Variants in DGKI observed in about 807,000 individuals in gnomAD.
DGKI encodes the protein diacylglycerol kinase iota.
In DGKI, 55 loss-of-function variants were observed where a neutral mutation model predicts 147.5. The observed-to-expected ratio is 0.37, with a 90% confidence interval of 0.30 to 0.47. DGKI has a LOEUF of 0.47. DGKI is among the 20% of genes least tolerant of loss of function. The pLI is 1.00. For missense variants in DGKI, 1,007 were observed against 1,323.8 expected (o/e 0.76, Z 3.71); for synonymous variants, 469 against 477.1 (o/e 0.98, Z 0.22).
At chr7:137,775,985 A>T (rs1384712179) in intron 1 of DGKI, among the ~76,000 whole-genome samples, 2 of 151,722 alleles carry the variant, frequency 1.3e-5, no homozygotes, top group Admixed American at 1.3e-4. Context: ...CAGCCTCCCG[A>T]GTAGCTGGGA....
At chr7:137,521,994 T>C (rs1399183465) in intron 20 of DGKI, 28 bp from the exon 21 acceptor site, 21 of 1,560,752 alleles carry the variant, frequency 1.3e-5, no homozygotes, top group Non-Finnish European at 1.8e-5. Flanking sequence ...AGTGGTCAGA[T>C]ACAAATGAGA....
chr7:137,569,612 C>G (rs1228649922), intron 19 of DGKI, among the ~76,000 whole-genome samples: 3 of 150,848 alleles, frequency 2.0e-5, no homozygotes, highest in Non-Finnish European at 3.0e-5. Flanking sequence ...GCCTGTAGTC[C>G]CAGCTACTCG....
chr7:137,607,687 C>A (rs937641460), intron 10 of DGKI, among the ~76,000 whole-genome samples: 4 of 152,130 alleles, frequency 2.6e-5, no homozygotes, highest in Non-Finnish European at 5.9e-5. Flanking sequence ...CCAACTGCAT[C>A]TCTAACCTTT....
intron 28 of DGKI, among the ~76,000 whole-genome samples, chr7:137,436,941 A>G (rs1476541342): frequency 1.3e-5 from 2 of 152,192 alleles, no homozygotes; most frequent in Non-Finnish European, 2.9e-5. Context: ...AATAAAATTC[A>G]ACATCTGTTG....
chr7:137,401,420 A>C (rs1037593353), intron 30 of DGKI, among the ~76,000 whole-genome samples: 1 of 151,988 alleles, frequency 6.6e-6, no homozygotes, highest in African/African-American at 2.4e-5. Context: ...AGTCCCAGCT[A>C]CTAGGGAGGC....
In DGKI at chr7:137,547,799, C is replaced by T. The variant is rs570858961; in HGVS notation, c.2147+4570G>A. ...AATAACCAAGAGCACCACTGAAACACGTAAAGGTACATCTAACAGCTAGAA... is the reference window on the plus strand; with the variant it reads ...AATAACCAAGAGCACCACTGAAACATGTAAAGGTACATCTAACAGCTAGAA... On this transcript the variant is annotated intron_variant, in intron 20 of 32. Transcript: ENST00000614521. Among the ~76,000 whole-genome samples the T allele has an allele frequency of 3.9e-5, 6 of 152,102 alleles. 1 individual carries two copies. The East Asian group carries it at 7.7e-4, about 20-fold the overall frequency.
At chr7:137,436,588 T>G (rs80219673) in intron 28 of DGKI, among the ~76,000 whole-genome samples, 2,869 of 152,202 alleles carry the variant, frequency 0.019, 76 homozygotes, top group African/African-American at 0.065. Flanking sequence ...TACAAGATAT[T>G]CCAGAAATAG....
chr7:137,819,302 A>T lies in DGKI; in HGVS notation c.401+27160T>A, dbSNP rs1324932453. Among the ~76,000 whole-genome samples the T allele has an allele frequency of 4.1e-5, 6 of 145,868 alleles. 1 individual carries two copies. Among genetic ancestry groups the T allele is most frequent in the Admixed American group, 3.6e-4 (5 of 14,014 alleles). ...CACACAGAAAATCCAAGAACTTCAGACTACAAGGGAATTTTTTTTTTTTTT... is the reference window on the plus strand; with the variant it reads ...CACACAGAAAATCCAAGAACTTCAGTCTACAAGGGAATTTTTTTTTTTTTT... On this transcript the variant is annotated intron_variant, in intron 1 of 32. Transcript: ENST00000614521.
At chr7:137,679,990 CAAAAAAAAAAAA>C (rs768437551) in intron 2 of DGKI, among the ~76,000 whole-genome samples, 1 of 54,068 alleles carries the variant, frequency 1.8e-5, no homozygotes, top group Admixed American at 2.0e-4. Context: ...GACTCCATCT[CAAAAAAAAAAAA>C]AAAAAAAAAA....
At chr7:137,466,990 GC>G in intron 24 of DGKI, 48 bp from the exon 25 acceptor site, 1 of 1,585,384 alleles carries the variant, frequency 6.3e-7, no homozygotes, top group Non-Finnish European at 8.7e-7. Flanking sequence ...CTGTAATCTG[GC>G]ACCAAATTTA....
chr7:137,516,873 C>T (rs1332100818), intron 21 of DGKI, among the ~76,000 whole-genome samples: 2 of 151,964 alleles, frequency 1.3e-5, no homozygotes, highest in Non-Finnish European at 2.9e-5. Context: ...CTCCTCTGAT[C>T]ATTTTGAAAG....
intron 1 of DGKI, among the ~76,000 whole-genome samples, chr7:137,842,330 C>T (rs1339474317): frequency 6.6e-6 from 1 of 152,042 alleles, no homozygotes; most frequent in Non-Finnish European, 1.5e-5. Flanking sequence ...AAAACACACG[C>T]AAAAAAACTA....
At chr7:137,620,713 C>T (rs1002244719) in intron 7 of DGKI, among the ~76,000 whole-genome samples, 1 of 152,114 alleles carries the variant, frequency 6.6e-6, no homozygotes, top group Non-Finnish European at 1.5e-5. Flanking sequence ...AACTGTATAC[C>T]CCAACAGTGA....
chr7:137,760,675 T>C (rs754012072), intron 1 of DGKI, among the ~76,000 whole-genome samples: 2 of 152,052 alleles, frequency 1.3e-5, no homozygotes, highest in Non-Finnish European at 2.9e-5. Flanking sequence ...AAGGGGGAAG[T>C]CCAATAGGAA....
At chr7:137,788,316 G>A (rs150920253) in intron 1 of DGKI, among the ~76,000 whole-genome samples, 2 of 152,082 alleles carry the variant, frequency 1.3e-5, no homozygotes, top group African/African-American at 2.4e-5. Context: ...CATGTCCCAA[G>A]GTGAATCTTG....
intron 1 of DGKI, among the ~76,000 whole-genome samples, chr7:137,758,797 C>G (rs1795766885): frequency 6.6e-6 from 1 of 151,972 alleles, no homozygotes; most frequent in Admixed American, 6.6e-5. Context: ...CTTTTTTGGG[C>G]AAGATCACAC....
intron 20 of DGKI, among the ~76,000 whole-genome samples, chr7:137,526,928 T>A (rs1585200150): frequency 6.6e-6 from 1 of 152,184 alleles, no homozygotes; most frequent in African/African-American, 2.4e-5. Flanking sequence ...ATAAAGTGGA[T>A]GGGCTGAGCG....
chr7:137,696,431 CTTTTTTTTTTTTTTTTT>C (rs10609322), intron 1 of DGKI, among the ~76,000 whole-genome samples: 2 of 36,696 alleles, frequency 5.5e-5, no homozygotes, highest in Admixed American at 3.7e-4. Context: ...GCCCAAAAGA[CTTTTTTTTTTTTTTTTT>C]TTTTTTTTTT....
intron 12 of DGKI, among the ~76,000 whole-genome samples, chr7:137,595,441 G>A (rs1819752801): frequency 1.3e-5 from 2 of 152,148 alleles, no homozygotes; most frequent in South Asian, 4.1e-4. Flanking sequence ...TGTAACTACT[G>A]CCTCTTTCTT....
Sources: allele counts gnomAD v4.1 joint callset (sites outside exome capture counted in the v4.1 genomes callset), GRCh38; gene constraint gnomAD v4.1.1; transcripts MANE v1.5; gene names NCBI Gene and HGNC (gene_info 2026-07-23, HGNC 2026-07-21).